RELN: variants seen among roughly 807,000 people sequenced by gnomAD.
RELN encodes the protein reelin.
RELN carries 108 observed loss-of-function variants against 427.6 expected under a neutral mutation model. The ratio of observed to expected loss-of-function variants is 0.25; its 90% CI spans 0.22 to 0.30. The LOEUF (loss-of-function observed/expected upper bound fraction) is 0.30. Ranked by LOEUF, RELN falls within the 10% of genes least tolerant of loss-of-function variation. RELN has a pLI of 1.00. For missense variants in RELN, 3,715 were observed against 4,302.8 expected (o/e 0.86, Z 3.82); for synonymous variants, 1,524 against 1,513.4 (o/e 1.01, Z -0.16).
intron 4 of RELN, among the ~76,000 whole-genome samples, chr7:103,763,347 T>G (rs1045681545): frequency 1.3e-5 from 2 of 152,186 alleles, no homozygotes; most frequent in Non-Finnish European, 2.9e-5. Flanking sequence ...AAACTAATAT[T>G]TGAGTGCCTG....
chr7:103,696,668 T>C (rs1382548657), intron 10 of RELN, among the ~76,000 whole-genome samples: 1 of 152,114 alleles, frequency 6.6e-6, no homozygotes, highest in East Asian at 1.9e-4. Flanking sequence ...CTCTCACTCC[T>C]AATTCTGGCC....
rs778506754 is a variant in RELN, at chr7:103,698,031, T to C, written c.965A>G (p.Glu322Gly). 7 of 1,613,694 alleles carry C rather than the reference T, an allele frequency of 4.3e-6. No individual in the cohort carries two copies. The African/African-American group carries it at 9.3e-5, about 22-fold the overall frequency. Residue 322 changes from glutamate to glycine, a missense_variant, in exon 10 of 65, where the codon GAG (glutamate) becomes GGG (glycine). Glu to Gly is a moderately conservative substitution (Grantham distance 98). Around this residue, in one of 4 missense-constraint regions of RELN, gnomAD observed 2,208 missense variants for 2,361.7 expected, o/e 0.93. Transcript: ENST00000428762. ...ILYLPEDAKG[E>G]NVQFQWKQEN... ...CTGCTTCCACTGAAATTGGACATTCTCCCCTTTGGCGTCCTCAGGAAGGTA... is the reference window on the plus strand; with the variant it reads ...CTGCTTCCACTGAAATTGGACATTCCCCCCTTTGGCGTCCTCAGGAAGGTA...
intron 2 of RELN, among the ~76,000 whole-genome samples, chr7:103,894,209 C>T (rs2116599881): frequency 6.6e-6 from 1 of 152,264 alleles, no homozygotes; most frequent in Non-Finnish European, 1.5e-5. Context: ...ACCTCCCTAT[C>T]TTTTGAACAA....
chr7:103,596,379 T>A, intron 25 of RELN, 77 bp downstream of exon 25: 3 of 1,300,946 alleles, frequency 2.3e-6, no homozygotes, highest in Non-Finnish European at 3.3e-6. Flanking sequence ...CAGTTAACAT[T>A]TTGGAAACAC....
chr7:103,937,564 T>G (rs540448438), intron 1 of RELN, among the ~76,000 whole-genome samples: 11 of 152,348 alleles, frequency 7.2e-5, no homozygotes, highest in African/African-American at 2.4e-4. Context: ...GTCTTTATTT[T>G]ATGAGAAACA....
At chr7:103,681,775 A>G (rs1833657330) in intron 11 of RELN, among the ~76,000 whole-genome samples, 1 of 152,204 alleles carries the variant, frequency 6.6e-6, no homozygotes, top group Non-Finnish European at 1.5e-5. Context: ...CAGGAAGACA[A>G]ACAAAAATCT....
intron 41 of RELN, 125 bp downstream of exon 41, chr7:103,550,941 TG>T: frequency 1.3e-6 from 1 of 779,614 alleles, no homozygotes; most frequent in Non-Finnish European, 2.2e-6. Flanking sequence ...TCCACTGATC[TG>T]CTTGAGAACA....
intron 2 of RELN, among the ~76,000 whole-genome samples, chr7:103,894,394 C>A (rs949266745): frequency 6.6e-6 from 1 of 152,142 alleles, no homozygotes; most frequent in African/African-American, 2.4e-5. Context: ...CAAACAAATG[C>A]AATTTCAAAA....
At position 103,635,434 on chromosome 7, in the gene RELN, T is replaced by C. The variant is rs1406236378; in HGVS notation, c.2456A>G (p.His819Arg). 5.0e-6 allele frequency: 8 copies of C among 1,613,838 alleles called. No homozygotes were observed. Among genetic ancestry groups the C allele is most frequent in the Non-Finnish European group, 6.8e-6 (8 of 1,179,910 alleles). The change falls in exon 19 of 65, where the codon CAT (histidine) becomes CGT (arginine). Residue 819 changes from histidine (H) to arginine (R), a missense_variant. Physicochemically the swap from His to Arg is conservative, Grantham distance 29 (BLOSUM62 0). Coordinates refer to ENST00000428762, the MANE Select transcript of RELN (RefSeq NM_005045.4). ...ATGCTTTCCAACATACCTGGGCTCA[T>C]GATAGCTGAGATATGAATAATGCTC... ...LLEHYSYLSY[H>R]EPRIISVELP...
intron 3 of RELN, among the ~76,000 whole-genome samples, chr7:103,815,892 T>C (rs1389952692): frequency 6.6e-6 from 1 of 152,242 alleles, no homozygotes; most frequent in Non-Finnish European, 1.5e-5. Context: ...GGGTTTTTGA[T>C]ACTTAAATTC....
rs794727758 is a variant in RELN, at chr7:103,500,819, C to T, written c.8593G>A (p.Asp2865Asn). ...GCLDNCRGHGDCLREQCICDP... is the reference protein window; with the variant it reads ...GCLDNCRGHGNCLREQCICDP... ...CAGATGCACTGTTCCCTTAAGCAAT[C>T]TCCATGGCCCCTGCAGTTGTCCAAG... is the stretch of plus-strand genomic sequence containing the variant. The change falls in exon 53 of 65, where the codon GAT (aspartate) becomes AAT (asparagine). Residue 2865 changes from aspartate (D) to asparagine (N), a missense_variant. This residue lies in a region of RELN where 1,310 missense variants were observed against 1,643.0 expected (regional missense o/e 0.80). Coordinates refer to ENST00000428762, the MANE Select transcript of RELN (RefSeq NM_005045.4). The T allele has an allele frequency of 6.2e-7, 1 of 1,614,172 alleles. No homozygotes were observed. The highest frequency in any genetic ancestry group is 8.5e-7 in the Non-Finnish European group (1 of 1,180,020).
At chr7:103,627,850 T>C (rs190844788) in intron 20 of RELN, 119 of 152,350 alleles carry the variant, frequency 7.8e-4, no homozygotes, top group African/African-American at 2.8e-3. Context: ...AGAATATTCA[T>C]CAGACTTGTG....
At chr7:103,558,079 CT>C (rs753624145) in intron 36 of RELN, 30 bp from the exon 37 acceptor site, 9 of 1,056,466 alleles carry the variant, frequency 8.5e-6, no homozygotes, top group African/African-American at 4.7e-5. Context: ...CGTTAAGCAA[CT>C]TTTTTTCACT....
At chr7:103,486,082 C>T (rs1303608854) in intron 61 of RELN, 115 bp downstream of exon 61, 18 of 958,258 alleles carry the variant, frequency 1.9e-5, no homozygotes, top group Admixed American at 7.3e-5. Context: ...GACAGGTTTT[C>T]ACTGCTTAGT....
At chr7:103,670,269 A>T (rs979413923) in intron 11 of RELN, among the ~76,000 whole-genome samples, 1 of 152,138 alleles carries the variant, frequency 6.6e-6, no homozygotes, top group Non-Finnish European at 1.5e-5. Context: ...ATATACCTAC[A>T]TAAGTATGTA....
In RELN at chr7:103,553,662, T is replaced by C; in HGVS notation, c.5967A>G (p.Ala1989=). The C allele has an allele frequency of 6.2e-7, 1 of 1,613,984 alleles. No homozygotes were observed. Among genetic ancestry groups the C allele is most frequent in the Non-Finnish European group, 8.5e-7 (1 of 1,179,910 alleles). ...ATTTTTAGATTCTTAATACTTACGG[T>C]GCCCCCTTTGAAGAATATGGACAAT... The part of the protein sequence containing the change: ...GLYCPYSSKG[A]PEEDSAMVFV... The change falls in exon 39 of 65, where the codon GCA becomes GCG. Residue 1989 remains alanine, a splice_region_variant and synonymous_variant. Coordinates refer to ENST00000428762, the MANE Select transcript of RELN (RefSeq NM_005045.4).
In RELN at chr7:103,574,308, A is replaced by G. The variant is rs1830949017; in HGVS notation, c.4304-9T>C. ...ACAGGTTCCTTGTGCAGCTTCAGAA[A>G]AAGAAATAGAGAGGAGAGATGCTTT... On this transcript the variant is annotated splice_polypyrimidine_tract_variant and intron_variant, in intron 29 of 64. Coordinates refer to ENST00000428762, the MANE Select transcript of RELN (RefSeq NM_005045.4). 1.9e-6 allele frequency: 3 copies of G among 1,611,272 alleles called. No homozygotes were observed. The highest frequency in any genetic ancestry group is 2.5e-6 in the Non-Finnish European group (3 of 1,177,490).
chr7:103,765,863 C>T (rs1215960794), intron 4 of RELN, among the ~76,000 whole-genome samples: 2 of 152,146 alleles, frequency 1.3e-5, no homozygotes, highest in Non-Finnish European at 2.9e-5. Flanking sequence ...TAGCCCTCAG[C>T]ACTGAAAAAG....
chr7:103,627,435 C>A (rs1233676681), intron 20 of RELN, among the ~76,000 whole-genome samples: 2 of 152,052 alleles, frequency 1.3e-5, no homozygotes, highest in African/African-American at 2.4e-5. Flanking sequence ...TATTCCTCAA[C>A]AGGGGCAGAG....
Sources: allele counts gnomAD v4.1 joint callset (sites outside exome capture counted in the v4.1 genomes callset), GRCh38; gene constraint gnomAD v4.1.1; regional missense constraint gnomAD v4.1.1; transcripts MANE v1.5; gene names NCBI Gene and HGNC (gene_info 2026-07-23, HGNC 2026-07-21).